CTBP1: variants seen among roughly 807,000 people sequenced by gnomAD.
The protein encoded by CTBP1 is C-terminal binding protein 1.
Under a neutral mutation model 42.1 loss-of-function variants are expected in CTBP1, and 11 were observed. The observed-to-expected ratio is 0.26, with a 90% CI of 0.16 to 0.43. The LOEUF (loss-of-function observed/expected upper bound fraction) is 0.43. Ranked by LOEUF, CTBP1 falls within the 20% of genes least tolerant of loss-of-function variation. CTBP1 has a pLI of 1.00. For missense variants in CTBP1, 399 were observed against 624.3 expected (o/e 0.64, Z 3.85); for synonymous variants, 324 against 277.1 (o/e 1.17, Z -1.68).
At chr4:1,228,154 G>C in intron 4 of CTBP1, 45 bp downstream of exon 4, 1 of 1,606,702 alleles carries the variant, frequency 6.2e-7, no homozygotes, top group Non-Finnish European at 8.5e-7. Context: ...AGACGGGACG[G>C]AGCTTGCATG....
intron 3 of CTBP1, among the ~76,000 whole-genome samples, chr4:1,230,827 A>G (rs1487634789): frequency 6.6e-6 from 1 of 152,210 alleles, no homozygotes; most frequent in South Asian, 2.1e-4. Context: ...ATGAAAATCT[A>G]TCTCATCTAG....
At chr4:1,248,810 G>T (rs1375195705) in intron 1 of CTBP1, 106 bp downstream of exon 1, 2 of 932,612 alleles carry the variant, frequency 2.1e-6, no homozygotes, top group Non-Finnish European at 2.5e-6. Context: ...CAAAGCCGGC[G>T]GCCCGCGGGC....
chr4:1,242,070 C>T (rs530189124), intron 1 of CTBP1: 1 of 987,434 alleles, frequency 1.0e-6, no homozygotes, highest in Non-Finnish European at 1.2e-6. Flanking sequence ...ACCTCCGACC[C>T]TCAGTGCATC....
At chr4:1,224,525 G>A (rs1219019381) in intron 5 of CTBP1, among the ~76,000 whole-genome samples, 12 of 149,436 alleles carry the variant, frequency 8.0e-5, no homozygotes, top group African/African-American at 2.5e-4. Flanking sequence ...GTGCTGTGGC[G>A]TGTGACATCC....
chr4:1,242,721 G>C, intron 1 of CTBP1: 1 of 985,150 alleles, frequency 1.0e-6, no homozygotes, highest in Non-Finnish European at 1.2e-6. Context: ...CATCACCTGC[G>C]CCTGAGCCCC....
intron 1 of CTBP1, 59 bp from the exon 2 acceptor site, chr4:1,241,578 C>T (rs939033752): frequency 5.3e-6 from 8 of 1,504,254 alleles, no homozygotes; most frequent in Admixed American, 2.0e-5. Context: ...CCAGAACTCA[C>T]AGACTCCAGG....
chr4:1,213,935 CCT>C, intron 7 of CTBP1: 1 of 416,884 alleles, frequency 2.4e-6, no homozygotes, highest in South Asian at 3.9e-5. Context: ...TGATACTGCC[CCT>C]GTGGGGGTGT....
intron 1 of CTBP1, chr4:1,243,240 T>G (rs1391575316): frequency 5.1e-6 from 5 of 985,268 alleles, no homozygotes; most frequent in African/African-American, 1.7e-5. Context: ...GGCCAGTACG[T>G]GCCCACACCT....
chr4:1,220,619 C>T (rs910060075), intron 5 of CTBP1, among the ~76,000 whole-genome samples: 2 of 152,362 alleles, frequency 1.3e-5, no homozygotes, highest in East Asian at 1.9e-4. Context: ...GGCTCACAGC[C>T]GTGCAGACAG....
At chr4:1,243,546 AT>A (rs1220299015) in intron 1 of CTBP1, 2 of 985,168 alleles carry the variant, frequency 2.0e-6, no homozygotes, top group Non-Finnish European at 2.4e-6. Flanking sequence ...TCTGCCCACC[AT>A]CTGCACCACC....
At chr4:1,249,511 C>CT, upstream of CTBP1, 1 of 175,466 alleles carries the variant, frequency 5.7e-6, no homozygotes, top group South Asian at 1.1e-4. Flanking sequence ...GCAGCCGCCC[C>CT]GCTCCCTTCC....
rs1005544211 is a variant in CTBP1 at position 1,212,059 on chromosome 4, G to A, written c.*181C>T. On this transcript the variant is annotated 3_prime_UTR_variant, in exon 10 of 10. Transcript: ENST00000382952. ...GAACGCGAAGGACACAGGGCAGAGC[G>A]CCCACAGGACGGACGACGACAAGCG... The A allele has an allele frequency of 1.8e-5, 8 of 442,640 alleles. No individual in the cohort carries two copies. Among genetic ancestry groups the A allele is most frequent in the African/African-American group, 8.2e-5 (4 of 48,940 alleles). The allele number at this position is 442,640 out of a possible 1,614,324, so 27.4% of individuals were successfully genotyped here. A position where few individuals can be genotyped will look rare whatever the true frequency, so the allele number is the denominator to read the frequency against.
At chr4:1,225,850 C>A (rs1314022977) in intron 4 of CTBP1, among the ~76,000 whole-genome samples, 1 of 152,028 alleles carries the variant, frequency 6.6e-6, no homozygotes, top group Non-Finnish European at 1.5e-5. Context: ...CTGCCCTGAC[C>A]CCTCCCGACT....
intron 3 of CTBP1, chr4:1,231,198 AG>A (rs1730933618): frequency 1.1e-5 from 1 of 88,618 alleles, no homozygotes; most frequent in Admixed American, 1.0e-4. Context: ...TCCACAGGCC[AG>A]GGTGCCACAG....
chr4:1,213,753 G>C, intron 7 of CTBP1, 148 bp from the exon 8 acceptor site: 2 of 1,073,564 alleles, frequency 1.9e-6, no homozygotes, highest in Non-Finnish European at 2.6e-6. Flanking sequence ...GGCTGGCTGA[G>C]CTCAAGAGCA....
intron 5 of CTBP1, chr4:1,221,657 C>G (rs1729749430): frequency 3.7e-6 from 1 of 270,896 alleles, no homozygotes; most frequent in South Asian, 2.9e-5. Context: ...CCCGTGATCC[C>G]ACCTCGGCAC....
intron 5 of CTBP1, among the ~76,000 whole-genome samples, chr4:1,224,920 C>G (rs1015834451): frequency 2.6e-5 from 4 of 151,274 alleles, no homozygotes; most frequent in African/African-American, 4.9e-5. Context: ...TGTGTGATGT[C>G]TGTGTGTGCC....
Position 1,235,080 on chromosome 4 carries a change from T to C in CTBP1, c.162+3103A>G, listed in dbSNP as rs1326837471. 6.6e-6 allele frequency: 1 copy of C among 152,214 alleles called. No homozygotes were observed. The highest frequency in any genetic ancestry group is 2.4e-5 in the African/African-American group (1 of 41,446). The allele number at this position is 152,214 out of a possible 1,614,324, so 9.4% of individuals were successfully genotyped here. A position where few individuals can be genotyped will look rare whatever the true frequency, so the allele number is the denominator to read the frequency against. On this transcript the variant is annotated intron_variant, in intron 3 of 9. Coordinates refer to ENST00000382952, the MANE Select transcript of CTBP1 (RefSeq NM_001012614.2). This position sits in a 1 kb window ranked among gnomAD's most constrained non-coding sequence, Gnocchi z 4.2. ...GTGGCAGGGACCCAGCGTTCATGCC[T>C]GTTGCTGAGGAGGACACCGAGGGAG...
At position 1,212,333 on chromosome 4, in the gene CTBP1, G is replaced by A; in HGVS notation, c.1197C>T (p.Gly399=). 3 of 1,520,378 alleles carry A rather than the reference G, an allele frequency of 2.0e-6. No homozygotes were observed. Among genetic ancestry groups the A allele is most frequent in the Non-Finnish European group, 1.8e-6 (2 of 1,138,754 alleles). 94.2% of individuals were successfully genotyped at this position (1,520,378 alleles called of 1,614,324 possible). A position where few individuals can be genotyped will look rare whatever the true frequency, so the allele number is the denominator to read the frequency against. The change falls in exon 10 of 10, where the codon GGC becomes GGT. Residue 399 remains glycine, a synonymous_variant. Coordinates refer to ENST00000382952, the MANE Select transcript of CTBP1 (RefSeq NM_001012614.2). ...IVPSAMSLSH[G]LPPVAHPPHA... ...GGGGCGGGTGGGCCACAGGGGGCAG[G>A]CCGTGGGACAGGGACATGGCGCTGG...
Sources: allele counts gnomAD v4.1 joint callset (sites outside exome capture counted in the v4.1 genomes callset), GRCh38; gene constraint gnomAD v4.1.1; non-coding constraint Gnocchi (gnomAD v3.1); transcripts MANE v1.5; gene names NCBI Gene and HGNC (gene_info 2026-07-23, HGNC 2026-07-21).